Variants in EFL1 observed in about 807,000 individuals in gnomAD.
EFL1 encodes the protein elongation factor like GTPase 1, also known as elongation factor-like GTPase 1.
EFL1 carries 76 observed loss-of-function variants against 126.7 expected under a neutral mutation model. The ratio of observed to expected loss-of-function variants is 0.60; its 90% CI spans 0.50 to 0.73. The LOEUF (loss-of-function observed/expected upper bound fraction) is 0.73. EFL1 is among the 30% of genes least tolerant of loss of function. The probability of loss-of-function intolerance (pLI) is 0.00; values close to 1 mark genes in which losing one functional copy is unlikely to be tolerated. For synonymous variants in EFL1, 410 were observed against 448.4 expected (o/e 0.91, Z 1.08); for missense variants, 1,128 against 1,343.2 (o/e 0.84, Z 2.50).
intron 7 of EFL1, among the ~76,000 whole-genome samples, chr15:82,234,228 G>A (rs916462795): frequency 2.0e-5 from 3 of 152,134 alleles, no homozygotes; most frequent in African/African-American, 7.2e-5. Flanking sequence ...CCATCTTGTG[G>A]CTTATTAGCA....
chr15:82,261,189 T>C (rs538695224), intron 2 of EFL1, among the ~76,000 whole-genome samples: 1 of 152,186 alleles, frequency 6.6e-6, no homozygotes, highest in Non-Finnish European at 1.5e-5. Flanking sequence ...ATCCTCTAGT[T>C]CTCCCAACCT....
chr15:82,240,544 A>G lies in EFL1; in HGVS notation c.390T>C (p.Val130=). 9.3e-6 allele frequency: 15 copies of G among 1,613,822 alleles called. No homozygotes were observed. The highest frequency in any genetic ancestry group is 1.3e-5 in the Non-Finnish European group (15 of 1,179,954). ...VEGVCPQTQA[V]LRQAWLENIR... Reference sequence around the variant, plus strand: ...TGTTTTCAAGCCAAGCTTGTCGCAGAACTGCCTGTGTCTGATAAAAACAGA... The same window carrying G: ...TGTTTTCAAGCCAAGCTTGTCGCAGGACTGCCTGTGTCTGATAAAAACAGA... The change falls in exon 6 of 20, where the codon GTT becomes GTC. Residue 130 remains valine, a synonymous_variant. Transcript: ENST00000268206.
At chr15:82,247,624 T>G (rs2074984771) in intron 4 of EFL1, among the ~76,000 whole-genome samples, 1 of 152,000 alleles carries the variant, frequency 6.6e-6, no homozygotes, top group Non-Finnish European at 1.5e-5. Context: ...TAGCATTCAC[T>G]TGGAAAAGGT....
At chr15:82,188,005 A>C (rs1459016185) in intron 15 of EFL1, among the ~76,000 whole-genome samples, 1 of 152,116 alleles carries the variant, frequency 6.6e-6, no homozygotes, top group Non-Finnish European at 1.5e-5. Flanking sequence ...TTGGGACATA[A>C]AGACTTATGA....
At chr15:82,171,132 C>A (rs926698494) in intron 15 of EFL1, among the ~76,000 whole-genome samples, 4 of 152,104 alleles carry the variant, frequency 2.6e-5, no homozygotes, top group African/African-American at 9.7e-5. Flanking sequence ...GCAACTTCAG[C>A]ACAGGTATAC....
At chr15:82,155,577 G>C (rs985938817) in intron 17 of EFL1, among the ~76,000 whole-genome samples, 1 of 152,170 alleles carries the variant, frequency 6.6e-6, no homozygotes, top group Non-Finnish European at 1.5e-5. Flanking sequence ...TTTGTGTTGT[G>C]TATATACAGG....
rs181181939 is a variant in EFL1, at chr15:82,250,794, C to T, written c.244+1897G>A. 2.0e-3 allele frequency among the ~76,000 whole-genome samples: 311 copies of T among 152,236 alleles called. 1 individual carries two copies. Among genetic ancestry groups the T allele is most frequent in the Admixed American group, 4.8e-3 (74 of 15,298 alleles). ...GCTCCAATTTTTATGAGACATCACT[C>T]CAATAAGACTCCTGTTTTTCCGTTT... On this transcript the variant is annotated intron_variant, in intron 4 of 19. Transcript: ENST00000268206.
chr15:82,204,469 G>T (rs1401865947), intron 15 of EFL1, among the ~76,000 whole-genome samples: 1 of 152,008 alleles, frequency 6.6e-6, no homozygotes, highest in Non-Finnish European at 1.5e-5. Context: ...ATGGGCGTAA[G>T]AGAGTATATT....
At chr15:82,251,411 A>C (rs1215512336) in intron 4 of EFL1, among the ~76,000 whole-genome samples, 2 of 152,184 alleles carry the variant, frequency 1.3e-5, no homozygotes, top group Non-Finnish European at 2.9e-5. Context: ...ACCTTAATAA[A>C]GTGGTTAAAG....
intron 15 of EFL1, among the ~76,000 whole-genome samples, chr15:82,200,731 T>C (rs764654190): frequency 1.1e-4 from 16 of 152,170 alleles, no homozygotes; most frequent in African/African-American, 3.6e-4. Flanking sequence ...TCCGAACACA[T>C]TAAAACATCA....
At chr15:82,259,770 G>A (rs1396761785) in intron 2 of EFL1, among the ~76,000 whole-genome samples, 1 of 152,182 alleles carries the variant, frequency 6.6e-6, no homozygotes, top group Non-Finnish European at 1.5e-5. Context: ...CTACAACTGG[G>A]TTGGAGTAAG....
intron 3 of EFL1, among the ~76,000 whole-genome samples, chr15:82,255,300 C>T (rs1315387082): frequency 2.6e-5 from 4 of 152,116 alleles, no homozygotes; most frequent in South Asian, 2.1e-4. Flanking sequence ...TTTAACATTC[C>T]TTTTCTGTGA....
intron 6 of EFL1, among the ~76,000 whole-genome samples, chr15:82,238,957 ACT>A (rs1220481959): frequency 3.3e-5 from 5 of 151,398 alleles, no homozygotes; most frequent in South Asian, 4.2e-4. Context: ...CTAATCCTCA[ACT>A]CTACTTTCAC....
chr15:82,204,235 T>C (rs1366594024), intron 15 of EFL1, among the ~76,000 whole-genome samples: 1 of 152,194 alleles, frequency 6.6e-6, no homozygotes, highest in African/African-American at 2.4e-5. Context: ...CCTAATCATA[T>C]ACTTTACATT....
At chr15:82,255,846 A>G (rs1178681606) in intron 3 of EFL1, among the ~76,000 whole-genome samples, 2 of 152,196 alleles carry the variant, frequency 1.3e-5, no homozygotes, top group East Asian at 1.9e-4. Flanking sequence ...CAACACATTG[A>G]TAAGTCTTGC....
At chr15:82,238,053 G>C (rs574338038) in intron 7 of EFL1, among the ~76,000 whole-genome samples, 2 of 152,282 alleles carry the variant, frequency 1.3e-5, no homozygotes, top group African/African-American at 2.4e-5. Flanking sequence ...ACGTGAAGGA[G>C]CCTTGTGGTG....
chr15:82,182,213 T>C (rs759633444), intron 15 of EFL1, among the ~76,000 whole-genome samples: 31 of 152,164 alleles, frequency 2.0e-4, no homozygotes, highest in Non-Finnish European at 2.1e-4. Flanking sequence ...GCTGAGATCA[T>C]GCCACTGCAC....
intron 7 of EFL1, 100 bp from the exon 8 acceptor site, chr15:82,231,071 A>G: frequency 7.4e-7 from 1 of 1,351,276 alleles, no homozygotes; most frequent in Middle Eastern, 2.1e-4. Flanking sequence ...ACTAAACTTA[A>G]TCCAGTATCC....
chr15:82,146,698 G>T (rs933181468), intron 18 of EFL1, among the ~76,000 whole-genome samples: 3 of 151,636 alleles, frequency 2.0e-5, no homozygotes, highest in Non-Finnish European at 2.9e-5. Context: ...CAGGGGCAAA[G>T]TATTAAGAAA....
Sources: gnomAD v4.1 joint callset for allele counts (sites outside exome capture counted in the v4.1 genomes callset) on GRCh38, gnomAD v4.1.1 for gene constraint, MANE v1.5 for transcripts, NCBI Gene and HGNC (gene_info 2026-07-23, HGNC 2026-07-21) for gene names.